Variants in CTNNA3 observed in about 807,000 individuals in gnomAD.
The protein encoded by CTNNA3 is catenin alpha 3, also known as catenin alpha-3.
Under a neutral mutation model 95.7 loss-of-function variants are expected in CTNNA3, and 76 were observed. That is an observed-to-expected ratio of 0.79 (90% CI 0.66 to 0.96). CTNNA3 has a LOEUF of 0.96. Ranked by LOEUF, CTNNA3 falls within the 40% of genes least tolerant of loss-of-function variation. The probability of loss-of-function intolerance (pLI) is 0.00; values close to 1 mark genes in which losing one functional copy is unlikely to be tolerated. For synonymous variants in CTNNA3, 431 were observed against 374.4 expected, an observed-to-expected ratio of 1.15 and a Z score of -1.74; for missense variants, 1,191 against 1,089.8, an observed-to-expected ratio of 1.09 and a Z score of -1.31.
chr10:67,507,464 G>A (rs1208838107), intron 5 of CTNNA3, among the ~76,000 whole-genome samples: 2 of 151,722 alleles, frequency 1.3e-5, no homozygotes, highest in Non-Finnish European at 2.9e-5. Flanking sequence ...GACCCAGGAG[G>A]CAGAGGTTTC....
At chr10:67,040,592 A>G (rs1051889338) in intron 7 of CTNNA3, among the ~76,000 whole-genome samples, 1 of 152,052 alleles carries the variant, frequency 6.6e-6, no homozygotes, top group African/African-American at 2.4e-5. Flanking sequence ...TTTTTTCTAG[A>G]TGGATTAGAG....
rs369066985 is a variant in CTNNA3 at position 66,068,036 on chromosome 10, C to T, written c.2159+1272G>A. On this transcript the variant is annotated intron_variant, in intron 15 of 17. Coordinates refer to ENST00000433211, the MANE Select transcript of CTNNA3 (RefSeq NM_013266.4). ...AAAGTTTATAAAGATTTTCATTTTA[C>T]GCATATTCCCAAATTACTATAAGGC... Among the ~76,000 whole-genome samples, 482 of 152,214 alleles carry T rather than the reference C, an allele frequency of 3.2e-3. 5 individuals are homozygous for T. The highest frequency in any genetic ancestry group is 7.0e-3 in the African/African-American group (291 of 41,538).
chr10:67,540,791 T>C (rs1169235924), intron 3 of CTNNA3, among the ~76,000 whole-genome samples: 2 of 151,930 alleles, frequency 1.3e-5, no homozygotes, highest in Non-Finnish European at 2.9e-5. Context: ...AATTTCTTCT[T>C]TTTGCTTTTC....
At chr10:66,615,280 A>T (rs778082361) in intron 10 of CTNNA3, among the ~76,000 whole-genome samples, 1 of 152,026 alleles carries the variant, frequency 6.6e-6, no homozygotes, top group African/African-American at 2.4e-5. Context: ...GGTTTGAAGG[A>T]GGCACGTATC....
At chr10:66,971,854 A>G (rs1170157032) in intron 7 of CTNNA3, among the ~76,000 whole-genome samples, 1 of 151,826 alleles carries the variant, frequency 6.6e-6, no homozygotes, top group Non-Finnish European at 1.5e-5. Flanking sequence ...AATATTTCTC[A>G]TTTCTGAGCC....
chr10:66,487,728 A>G (rs1839789732), intron 11 of CTNNA3, among the ~76,000 whole-genome samples: 1 of 152,148 alleles, frequency 6.6e-6, no homozygotes, highest in South Asian at 2.1e-4. Context: ...AAAACAAAAA[A>G]CCTTGCAATC....
At chr10:66,878,616 C>T (rs1844721204) in intron 7 of CTNNA3, among the ~76,000 whole-genome samples, 1 of 152,110 alleles carries the variant, frequency 6.6e-6, no homozygotes, top group Non-Finnish European at 1.5e-5. Context: ...TATAACCCTA[C>T]CTGATTCTAG....
chr10:67,047,525 CAT>C (rs1319220673), intron 7 of CTNNA3, among the ~76,000 whole-genome samples: 11 of 152,238 alleles, frequency 7.2e-5, no homozygotes, highest in Non-Finnish European at 1.2e-4. Context: ...GAGGCAGAAA[CAT>C]GTGTGCTTCT....
chr10:67,044,162 C>T (rs1025178778), intron 7 of CTNNA3, among the ~76,000 whole-genome samples: 2 of 151,942 alleles, frequency 1.3e-5, no homozygotes, highest in African/African-American at 4.8e-5. Context: ...TACCCCATGG[C>T]TAGCTCTCAC....
chr10:66,875,993 G>A (rs1339131106), intron 7 of CTNNA3, among the ~76,000 whole-genome samples: 2 of 152,130 alleles, frequency 1.3e-5, no homozygotes, highest in Non-Finnish European at 2.9e-5. Context: ...GTTACATCAA[G>A]CAGGCCCAAG....
At chr10:66,211,674 G>A (rs2131950870) in intron 13 of CTNNA3, among the ~76,000 whole-genome samples, 1 of 152,292 alleles carries the variant, frequency 6.6e-6, no homozygotes, top group Non-Finnish European at 1.5e-5. Flanking sequence ...TCTTCAGTGT[G>A]GAGCCATTTA....
At chr10:66,570,371 C>A (rs1842834149) in intron 10 of CTNNA3, among the ~76,000 whole-genome samples, 1 of 152,142 alleles carries the variant, frequency 6.6e-6, no homozygotes, top group African/African-American at 2.4e-5. Flanking sequence ...TCACTGCAAC[C>A]TCTGCCTCCC....
chr10:67,572,085 T>C (rs1014981667), intron 3 of CTNNA3, among the ~76,000 whole-genome samples: 1 of 152,206 alleles, frequency 6.6e-6, no homozygotes, highest in African/African-American at 2.4e-5. Flanking sequence ...ATAATCTTTT[T>C]ATATTGATTG....
chr10:66,090,185 A>T (rs1192674540), intron 14 of CTNNA3, among the ~76,000 whole-genome samples: 2 of 152,124 alleles, frequency 1.3e-5, no homozygotes, highest in Admixed American at 6.6e-5. Context: ...TAAATTAACT[A>T]GAAATTCATG....
intron 12 of CTNNA3, among the ~76,000 whole-genome samples, chr10:66,377,496 A>C (rs2092804371): frequency 2.0e-5 from 3 of 152,196 alleles, no homozygotes; most frequent in South Asian, 4.1e-4. Flanking sequence ...AGTGATTGCA[A>C]ACAGTGGCAT....
At chr10:66,180,603 G>A (rs899001367) in intron 13 of CTNNA3, among the ~76,000 whole-genome samples, 4 of 152,146 alleles carry the variant, frequency 2.6e-5, no homozygotes, top group Admixed American at 2.6e-4. Flanking sequence ...ATTCTTCAAA[G>A]TTGTCTCCTT....
At chr10:67,575,113 A>G (rs1842101507) in intron 3 of CTNNA3, among the ~76,000 whole-genome samples, 1 of 152,160 alleles carries the variant, frequency 6.6e-6, no homozygotes, top group South Asian at 2.1e-4. Context: ...ATGAAGGTCA[A>G]ATAGATTCTC....
chr10:67,637,094 G>A (rs916364842), intron 2 of CTNNA3, among the ~76,000 whole-genome samples: 2 of 152,134 alleles, frequency 1.3e-5, no homozygotes, highest in African/African-American at 4.8e-5. Context: ...CGAACCCATG[G>A]CAAAGAAGTT....
intron 7 of CTNNA3, among the ~76,000 whole-genome samples, chr10:66,805,485 A>AT (rs1841602931): frequency 6.7e-6 from 1 of 148,330 alleles, no homozygotes; most frequent in South Asian, 2.1e-4. Context: ...ATATATACAC[A>AT]TATATATACA....
Sources: gnomAD v4.1 joint callset for allele counts (sites outside exome capture counted in the v4.1 genomes callset) on GRCh38, gnomAD v4.1.1 for gene constraint, MANE v1.5 for transcripts, NCBI Gene and HGNC (gene_info 2026-07-23, HGNC 2026-07-21) for gene names.